MSRB3: variants seen among roughly 807,000 people sequenced by gnomAD.
The protein encoded by MSRB3 is methionine-R-sulfoxide reductase B3.
A neutral mutation model predicts 21.0 loss-of-function variants in MSRB3; 13 were observed. That is an observed-to-expected ratio of 0.62 (90% CI 0.40 to 0.98). The LOEUF is 0.98. Ranked by LOEUF, MSRB3 falls within the 50% of genes least tolerant of loss-of-function variation. The pLI is 0.00. For synonymous variants in MSRB3, 87 were observed against 88.6 expected, an observed-to-expected ratio of 0.98 and a Z score of 0.10; for missense variants, 199 against 230.3, an observed-to-expected ratio of 0.86 and a Z score of 0.88.
chr12:65,285,245 T>C (rs1239747317), intron 1 of MSRB3: 1 of 152,214 alleles, frequency 6.6e-6, no homozygotes, highest in African/African-American at 2.4e-5. Context: ...CCTTATCTCT[T>C]CAAGTGTTGA....
At chr12:65,378,823 A>T (rs1878783233) in intron 5 of MSRB3, among the ~76,000 whole-genome samples, 1 of 152,220 alleles carries the variant, frequency 6.6e-6, no homozygotes, top group Admixed American at 6.5e-5. Context: ...ATGAGTGAGA[A>T]TACTTACATC....
chr12:65,364,426 A>G (rs1877889030), intron 4 of MSRB3, among the ~76,000 whole-genome samples: 1 of 152,214 alleles, frequency 6.6e-6, no homozygotes, highest in Non-Finnish European at 1.5e-5. Flanking sequence ...ACGGTTGAAT[A>G]GTTTTGAACT....
At chr12:65,315,436 G>T (rs1047774786) in intron 2 of MSRB3, among the ~76,000 whole-genome samples, 3 of 152,048 alleles carry the variant, frequency 2.0e-5, no homozygotes, top group Admixed American at 1.3e-4. Flanking sequence ...TTGAGAGGCC[G>T]AGGTGGGCAG....
chr12:65,345,572 G>A (rs1227336199), intron 4 of MSRB3, among the ~76,000 whole-genome samples: 1 of 151,870 alleles, frequency 6.6e-6, no homozygotes, highest in Non-Finnish European at 1.5e-5. Context: ...AAGTAGATAA[G>A]GAAGATCTTT....
In MSRB3 at chr12:65,335,413, C is replaced by T. The variant is rs527382331; in HGVS notation, c.263+6810C>T. On this transcript the variant is annotated intron_variant, in intron 4 of 6. Transcript: ENST00000308259. ...TCACACATGCTACATTTCACATGAG[C>T]CTCCTGTGCAATTTTATTCTAGGCT... is the stretch of plus-strand genomic sequence containing the variant. Among the ~76,000 whole-genome samples, 42 of 152,234 alleles carry T rather than the reference C, an allele frequency of 2.8e-4. No individual in the cohort carries two copies. In the South Asian group the frequency reaches 4.8e-3, roughly 17 times the overall value.
intron 6 of MSRB3, among the ~76,000 whole-genome samples, chr12:65,457,227 A>C (rs116627918): frequency 6.6e-6 from 1 of 151,544 alleles, no homozygotes; most frequent in African/African-American, 2.4e-5. Context: ...TTATTTTATT[A>C]TTTTTTATTA....
At chr12:65,421,562 GC>G (rs1179188804) in intron 5 of MSRB3, among the ~76,000 whole-genome samples, 1 of 152,146 alleles carries the variant, frequency 6.6e-6, no homozygotes, top group Non-Finnish European at 1.5e-5. Flanking sequence ...GAATGGTATT[GC>G]CTACGTTGTC....
chr12:65,369,582 GCC>G (rs2136534386), intron 5 of MSRB3, among the ~76,000 whole-genome samples: 1 of 152,212 alleles, frequency 6.6e-6, no homozygotes, highest in South Asian at 2.1e-4. Context: ...TGGCATATCA[GCC>G]TCTTTAGACA....
chr12:65,353,318 A>G lies in MSRB3; in HGVS notation c.264-15680A>G, dbSNP rs184585521. 5.4e-3 allele frequency among the ~76,000 whole-genome samples: 812 copies of G among 151,516 alleles called. 5 individuals are homozygous for G. Among genetic ancestry groups the G allele is most frequent in the African/African-American group, 0.019 (773 of 41,318 alleles). Reference sequence around the variant, plus strand: ...TCTCGTTGATCTGTCTAATGTTGACAGTGGGGTGTTAAAGTCTCCCATTAT... The same window carrying G: ...TCTCGTTGATCTGTCTAATGTTGACGGTGGGGTGTTAAAGTCTCCCATTAT... On this transcript the variant is annotated intron_variant, in intron 4 of 6. Transcript: ENST00000308259.
intron 4 of MSRB3, among the ~76,000 whole-genome samples, chr12:65,349,606 T>A (rs948309463): frequency 6.8e-6 from 1 of 147,410 alleles, no homozygotes; most frequent in Non-Finnish European, 1.5e-5. Flanking sequence ...CCATTCTAAC[T>A]GGTGTGAGAT....
intron 1 of MSRB3, among the ~76,000 whole-genome samples, chr12:65,296,835 T>A (rs1272966133): frequency 1.3e-5 from 2 of 152,060 alleles, no homozygotes; most frequent in Admixed American, 1.3e-4. Context: ...ATAATAGAGA[T>A]CCTGAAGTAG....
intron 5 of MSRB3, among the ~76,000 whole-genome samples, chr12:65,393,547 C>T (rs369042678): frequency 4.9e-5 from 7 of 143,664 alleles, no homozygotes; most frequent in African/African-American, 7.8e-5. Context: ...ACGAGAATGG[C>T]GTGAACCTGG....
chr12:65,335,138 A>G (rs1875677593), intron 4 of MSRB3, among the ~76,000 whole-genome samples: 2 of 152,196 alleles, frequency 1.3e-5, no homozygotes, highest in Admixed American at 6.5e-5. Flanking sequence ...ATAACACCAA[A>G]CAGGTGTAAA....
chr12:65,318,111 A>T (rs1011483417), intron 2 of MSRB3, among the ~76,000 whole-genome samples: 3 of 151,730 alleles, frequency 2.0e-5, no homozygotes, highest in Non-Finnish European at 4.4e-5. Flanking sequence ...TTTCTCCAGA[A>T]CTCCTCAGAT....
At chr12:65,461,208 T>C (rs1036985457) in intron 6 of MSRB3, among the ~76,000 whole-genome samples, 2 of 152,172 alleles carry the variant, frequency 1.3e-5, no homozygotes, top group East Asian at 1.9e-4. Context: ...CTGGTTCCTG[T>C]TGGACAGCAC....
chr12:65,349,079 C>T (rs1000227157), intron 4 of MSRB3, among the ~76,000 whole-genome samples: 20 of 151,894 alleles, frequency 1.3e-4, no homozygotes, highest in Non-Finnish European at 2.5e-4. Flanking sequence ...CCACCACAGT[C>T]CCCAGAGTGT....
At chr12:65,423,978 A>G (rs779530637) in intron 5 of MSRB3, among the ~76,000 whole-genome samples, 5 of 152,102 alleles carry the variant, frequency 3.3e-5, no homozygotes, top group Non-Finnish European at 5.9e-5. Context: ...ATTTTATTTG[A>G]TGGGAGACAT....
At chr12:65,357,340 A>G (rs1877444718) in intron 4 of MSRB3, among the ~76,000 whole-genome samples, 1 of 151,854 alleles carries the variant, frequency 6.6e-6, no homozygotes, top group Non-Finnish European at 1.5e-5. Context: ...CTTTGACCTG[A>G]ACTATTATAA....
intron 4 of MSRB3, among the ~76,000 whole-genome samples, chr12:65,344,647 C>G (rs764807988): frequency 6.6e-6 from 1 of 151,878 alleles, no homozygotes; most frequent in Non-Finnish European, 1.5e-5. Flanking sequence ...AACAGTGATG[C>G]TTTTTCAATG....
Sources: allele counts gnomAD v4.1 joint callset (sites outside exome capture counted in the v4.1 genomes callset), GRCh38; gene constraint gnomAD v4.1.1; transcripts MANE v1.5; gene names NCBI Gene and HGNC (gene_info 2026-07-23, HGNC 2026-07-21).